MORN1: variants seen among roughly 807,000 people sequenced by gnomAD.
MORN1 encodes the protein MORN repeat-containing protein 1.
A neutral mutation model predicts 61.9 loss-of-function variants in MORN1; 67 were observed. That is an observed-to-expected ratio of 1.08 (90% confidence interval 0.89 to 1.33). The LOEUF (loss-of-function observed/expected upper bound fraction) is 1.33, where lower values mean the gene tolerates loss of function less well. Ranked by LOEUF, MORN1 falls within the 40% of genes most tolerant of loss-of-function variation. The pLI is 0.00. For missense variants in MORN1, 752 were observed against 691.2 expected, an observed-to-expected ratio of 1.09 and a Z score of -0.99; for synonymous variants, 301 against 292.0, an observed-to-expected ratio of 1.03 and a Z score of -0.31.
At chr1:2,323,528 GC>G (rs1156978868) in intron 13 of MORN1, 19 of 985,230 alleles carry the variant, frequency 1.9e-5, no homozygotes, top group Non-Finnish European at 2.0e-5. Context: ...CTGGCATTCG[GC>G]CCCTCTGGCT....
Position 2,372,649 on chromosome 1 carries a change from A to G in MORN1, c.635-58T>C. On this transcript the variant is annotated intron_variant, in intron 7 of 13. Coordinates refer to ENST00000378531, the MANE Select transcript of MORN1 (RefSeq NM_024848.3). The surrounding 1 kb of genome is among the most constrained non-coding windows in gnomAD (Gnocchi z 5.4). ...ACTGGCATGGTCCCCCACCCACCCC[A>G]TGGCTGAGTCAGCAGTGGGCACCCC... 2 of 1,401,006 alleles carry G rather than the reference A, an allele frequency of 1.4e-6. No individual in the cohort carries two copies. Among genetic ancestry groups the G allele is most frequent in the Non-Finnish European group, 2.0e-6 (2 of 1,009,666 alleles). 86.8% of individuals were successfully genotyped at this position (1,401,006 alleles called of 1,614,324 possible).
At chr1:2,344,663 C>T (rs1641470522) in intron 10 of MORN1, among the ~76,000 whole-genome samples, 1 of 152,218 alleles carries the variant, frequency 6.6e-6, no homozygotes, top group African/African-American at 2.4e-5. Flanking sequence ...TCCCTGGGGG[C>T]CTCGTCCCTG....
chr1:2,337,666 C>T lies in MORN1; in HGVS notation c.1037-816G>A, dbSNP rs990471156. On this transcript the variant is annotated intron_variant, in intron 10 of 13. Transcript: ENST00000378531. The surrounding 1 kb of genome is among the most constrained non-coding windows in gnomAD (Gnocchi z 5.7). The stretch of plus-strand genomic sequence containing the variant: ...CTCCACACACACACATCAGAGCCCA[C>T]GTTCCTACGAGCAGCTCGGAGCTGT... 2.0e-5 allele frequency among the ~76,000 whole-genome samples: 3 copies of T among 152,188 alleles called. No individual in the cohort carries two copies. Among genetic ancestry groups the T allele is most frequent in the Non-Finnish European group, 2.9e-5 (2 of 68,038 alleles).
chr1:2,382,525 C>T (rs1209901137), intron 6 of MORN1, among the ~76,000 whole-genome samples: 2 of 152,092 alleles, frequency 1.3e-5, no homozygotes, highest in Non-Finnish European at 2.9e-5. Flanking sequence ...GCGAGGGAAT[C>T]GTCATGGTGG....
chr1:2,384,410 G>A (rs1239479142), intron 6 of MORN1, among the ~76,000 whole-genome samples: 1 of 152,194 alleles, frequency 6.6e-6, no homozygotes, highest in Non-Finnish European at 1.5e-5. Flanking sequence ...AGACCAGAAT[G>A]TACCACCCCC....
rs761385336 is a variant in MORN1, at chr1:2,389,926, G to A, written c.147C>T (p.His49=). The A allele has an allele frequency of 6.8e-6, 11 of 1,613,878 alleles. No individual in the cohort carries two copies. The highest frequency in any genetic ancestry group is 3.3e-5 in the Admixed American group (2 of 60,020). The change falls in exon 2 of 14, where the codon CAC becomes CAT. Residue 49 remains histidine, a splice_region_variant and synonymous_variant. Transcript: ENST00000378531. ...YEGEWKAGRK[H]GHGKLLFKDG... The stretch of plus-strand genomic sequence containing the variant: ...GAAGAGACCACAGATGCTTCTCACC[G>A]TGCTTCCTCCCTGCTTTCCATTCTC...
chr1:2,347,116 G>C (rs1386575634), intron 10 of MORN1, among the ~76,000 whole-genome samples: 2 of 152,192 alleles, frequency 1.3e-5, no homozygotes. Flanking sequence ...ACCCTACCCA[G>C]CTGCACTCTT....
At chr1:2,325,144 CTCCCTTCCT>C (rs1557865258) in intron 12 of MORN1, among the ~76,000 whole-genome samples, 6 of 89,898 alleles carry the variant, frequency 6.7e-5, no homozygotes, top group East Asian at 6.6e-4. Context: ...CCCTCCCTCC[CTCCCTTCCT>C]TCCCTCCCTT....
chr1:2,384,890 A>T, intron 6 of MORN1, 88 bp downstream of exon 6: 1 of 1,163,516 alleles, frequency 8.6e-7, no homozygotes, highest in Non-Finnish European at 1.2e-6. Flanking sequence ...AGAAGCTGCC[A>T]GGGTGAGGCT....
chr1:2,341,339 C>T (rs924442565), intron 10 of MORN1, among the ~76,000 whole-genome samples: 11 of 151,924 alleles, frequency 7.2e-5, no homozygotes, highest in African/African-American at 2.7e-4. Context: ...CCTTCCTGGG[C>T]ATCACCCTGC....
chr1:2,364,872 G>C (rs1440246013), intron 8 of MORN1, among the ~76,000 whole-genome samples: 4 of 152,052 alleles, frequency 2.6e-5, no homozygotes, highest in Non-Finnish European at 5.9e-5. Flanking sequence ...GATAGTTGTA[G>C]ATACGCAGCG....
intron 10 of MORN1, among the ~76,000 whole-genome samples, chr1:2,354,594 C>T (rs745794425): frequency 3.9e-5 from 6 of 152,124 alleles, no homozygotes; most frequent in Non-Finnish European, 7.4e-5. Context: ...CTGACCCTGG[C>T]CTCCCCCTCC....
At chr1:2,382,142 C>T (rs925171506) in intron 6 of MORN1, among the ~76,000 whole-genome samples, 58 of 152,194 alleles carry the variant, frequency 3.8e-4, no homozygotes, top group Non-Finnish European at 7.8e-4. Flanking sequence ...TGTCCATGGT[C>T]CTCTGGAAGA....
At chr1:2,336,579 G>A (rs1014358901) in intron 11 of MORN1, 31 bp from the exon 12 acceptor site, 3 of 1,611,126 alleles carry the variant, frequency 1.9e-6, no homozygotes, top group Non-Finnish European at 1.7e-6. Context: ...GAGGGGAGAA[G>A]GAAAGGCTCA....
At chr1:2,373,793 G>T (rs997877288) in intron 7 of MORN1, among the ~76,000 whole-genome samples, 4 of 152,204 alleles carry the variant, frequency 2.6e-5, no homozygotes, top group African/African-American at 9.7e-5. Flanking sequence ...GAGGGCAGCA[G>T]TTACTGTCAC....
At chr1:2,362,863 C>CAA (rs139162854) in intron 8 of MORN1, among the ~76,000 whole-genome samples, 52 of 145,932 alleles carry the variant, frequency 3.6e-4, no homozygotes, top group South Asian at 6.5e-4. Flanking sequence ...AACTCCATCT[C>CAA]AAAAAAAAAA....
At chr1:2,343,056 T>C (rs938270046) in intron 10 of MORN1, among the ~76,000 whole-genome samples, 1 of 151,920 alleles carries the variant, frequency 6.6e-6, no homozygotes, top group African/African-American at 2.4e-5. Context: ...TCCTGAGGCA[T>C]AGAAAATGCG....
At chr1:2,358,896 C>T (rs1295206527) in intron 8 of MORN1, among the ~76,000 whole-genome samples, 181 bp from the exon 9 acceptor site, 2 of 152,176 alleles carry the variant, frequency 1.3e-5, no homozygotes, top group Admixed American at 1.3e-4. Flanking sequence ...TGCTCCTCTC[C>T]CATGCCCTGC....
At chr1:2,329,791 C>T (rs971416351) in intron 12 of MORN1, among the ~76,000 whole-genome samples, 9 of 152,376 alleles carry the variant, frequency 5.9e-5, no homozygotes, top group Admixed American at 1.3e-4. Context: ...TTCCCCAAGG[C>T]CCCACTGGGC....
Sources: allele counts gnomAD v4.1 joint callset (sites outside exome capture counted in the v4.1 genomes callset), GRCh38; gene constraint gnomAD v4.1.1; non-coding constraint Gnocchi (gnomAD v3.1); transcripts MANE v1.5; gene names NCBI Gene and HGNC (gene_info 2026-07-23, HGNC 2026-07-21).